CDH11: variants seen among roughly 807,000 people sequenced by gnomAD.
CDH11 encodes cadherin 11.
In CDH11, 11 loss-of-function variants were observed where a neutral mutation model predicts 67.8. That is an observed-to-expected ratio of 0.16 (90% CI 0.10 to 0.27). The LOEUF is 0.27. CDH11 is among the 10% of genes least tolerant of loss of function. CDH11 has a pLI of 1.00. For synonymous variants in CDH11, 419 were observed against 400.0 expected, an observed-to-expected ratio of 1.05 and a Z score of -0.57; for missense variants, 847 against 1,031.2, an observed-to-expected ratio of 0.82 and a Z score of 2.45.
Position 65,088,055 on chromosome 16 carries a change from G to C in CDH11, c.-298+33825C>G, listed in dbSNP as rs372954425. Among the ~76,000 whole-genome samples the C allele has an allele frequency of 7.2e-5, 11 of 152,262 alleles. No individual in the cohort carries two copies. In the East Asian group the frequency reaches 2.1e-3, roughly 29 times the overall value. ...TAGTACCCAATATGATGGTATTAGA[G>C]ATGGAGTTTTAGGGAAGTGGTTAAG... On this transcript the variant is annotated intron_variant, in intron 1 of 12. Coordinates refer to ENST00000268603, the MANE Select transcript of CDH11 (RefSeq NM_001797.4).
intron 1 of CDH11, among the ~76,000 whole-genome samples, chr16:65,103,002 G>A (rs879215608): frequency 4.9e-4 from 75 of 152,260 alleles, no homozygotes; most frequent in African/African-American, 1.7e-3. Context: ...GAGCCAGCCC[G>A]TCTCTCTGTG....
At chr16:64,968,602 A>T in intron 11 of CDH11, 4 of 979,080 alleles carry the variant, frequency 4.1e-6, no homozygotes, top group Non-Finnish European at 4.9e-6. Flanking sequence ...AAATGAAATA[A>T]AAAGCTTGTG....
chr16:64,975,129 C>A (rs2142436798), intron 8 of CDH11, among the ~76,000 whole-genome samples: 1 of 152,250 alleles, frequency 6.6e-6, no homozygotes, highest in Non-Finnish European at 1.5e-5. Context: ...TAGTACCTAA[C>A]TTTTATGTTA....
At chr16:64,975,603 G>A (rs971839749) in intron 8 of CDH11, among the ~76,000 whole-genome samples, 59 of 152,184 alleles carry the variant, frequency 3.9e-4, no homozygotes, top group African/African-American at 1.4e-3. Context: ...TCACCTGAGT[G>A]TCTGAGAGAG....
At chr16:65,114,021 A>T (rs772968447) in intron 1 of CDH11, among the ~76,000 whole-genome samples, 5 of 152,134 alleles carry the variant, frequency 3.3e-5, no homozygotes, top group Non-Finnish European at 4.4e-5. Flanking sequence ...GAAAAAGTGA[A>T]GGGGGGTCAA....
intron 2 of CDH11, among the ~76,000 whole-genome samples, chr16:65,042,807 C>T (rs571758419): frequency 6.6e-6 from 1 of 152,278 alleles, no homozygotes; most frequent in East Asian, 1.9e-4. Flanking sequence ...TTCATCTGCA[C>T]CTGAATCCTC....
chr16:64,973,473 A>T (rs1478054102), intron 8 of CDH11, among the ~76,000 whole-genome samples: 9 of 152,192 alleles, frequency 5.9e-5, no homozygotes, highest in African/African-American at 2.2e-4. Context: ...TAAATTTATC[A>T]AGATCATGTA....
In CDH11 at chr16:64,945,263, T is replaced by C. The variant is rs1367426636; in HGVS notation, c.*2340A>G. 2 of 355,834 alleles carry C rather than the reference T, an allele frequency of 5.6e-6. No individual in the cohort carries two copies. The highest frequency in any genetic ancestry group is 8.3e-6 in the Non-Finnish European group (2 of 241,958). The allele number at this position is 355,834 out of a possible 1,614,324, so 22.0% of individuals were successfully genotyped here. ...TTTTATTTCCAAGTTTCTAAGAGTG[T>C]TCTACAAACAATAGAGGCTTAACGA... On this transcript the variant is annotated 3_prime_UTR_variant, in exon 13 of 13. Transcript: ENST00000268603.
chr16:65,048,331 T>A (rs1391279939), intron 2 of CDH11, among the ~76,000 whole-genome samples: 1 of 152,200 alleles, frequency 6.6e-6, no homozygotes, highest in Non-Finnish European at 1.5e-5. Flanking sequence ...GAAAACAGTG[T>A]GGAGATTTCT....
intron 1 of CDH11, among the ~76,000 whole-genome samples, chr16:65,120,992 C>A (rs1424074977): frequency 6.6e-6 from 1 of 152,208 alleles, no homozygotes; most frequent in African/African-American, 2.4e-5. Context: ...GCTCGCGTTC[C>A]GGGGCAGAGC....
chr16:65,082,737 T>C (rs917038533), intron 1 of CDH11, among the ~76,000 whole-genome samples: 7 of 152,256 alleles, frequency 4.6e-5, no homozygotes, highest in African/African-American at 1.7e-4. Flanking sequence ...TGAGTTTAAG[T>C]GCAGAGTCAA....
intron 2 of CDH11, among the ~76,000 whole-genome samples, chr16:65,040,927 TA>T (rs1401440284): frequency 6.6e-6 from 1 of 152,192 alleles, no homozygotes; most frequent in African/African-American, 2.4e-5. Flanking sequence ...GTTGTGCACA[TA>T]TCACCAATAT....
chr16:65,019,331 T>C (rs984135386), intron 2 of CDH11, among the ~76,000 whole-genome samples: 1 of 152,186 alleles, frequency 6.6e-6, no homozygotes, highest in African/African-American at 2.4e-5. Context: ...TCTAAAACAA[T>C]AACTCAAAAT....
At chr16:65,111,751 G>A (rs2075161667) in intron 1 of CDH11, among the ~76,000 whole-genome samples, 2 of 151,290 alleles carry the variant, frequency 1.3e-5, no homozygotes, top group Admixed American at 6.6e-5. Flanking sequence ...AGAATGGGGA[G>A]AGGGCATCCT....
At chr16:64,948,902 A>C in intron 12 of CDH11, 1 of 734,404 alleles carries the variant, frequency 1.4e-6, no homozygotes, top group Non-Finnish European at 2.2e-6. Flanking sequence ...AGGCTCTCCC[A>C]TACACCCAGC....
chr16:64,989,456 G>T lies in CDH11; in HGVS notation c.812-1112C>A, dbSNP rs1420497989. Among the ~76,000 whole-genome samples, 3 of 152,150 alleles carry T rather than the reference G, an allele frequency of 2.0e-5. No homozygotes were observed. In the South Asian group the frequency reaches 6.2e-4, roughly 31 times the overall value. On this transcript the variant is annotated intron_variant, in intron 6 of 12. Transcript: ENST00000268603. The stretch of plus-strand genomic sequence containing the variant: ...TAGGAGAAGACATTCTTTAGAAAAA[G>T]GAATCTAAAATGACTGAGGAAGACA...
intron 11 of CDH11, among the ~76,000 whole-genome samples, chr16:64,966,961 A>C (rs1567495261): frequency 6.6e-6 from 1 of 152,184 alleles, no homozygotes; most frequent in East Asian, 1.9e-4. Flanking sequence ...ACTTATAAGA[A>C]CAAAAGAAGA....
intron 8 of CDH11, among the ~76,000 whole-genome samples, chr16:64,976,630 G>A (rs1035697253): frequency 2.0e-5 from 3 of 152,116 alleles, no homozygotes; most frequent in Non-Finnish European, 2.9e-5. Context: ...CAAGGTGGGC[G>A]GATCACCAGA....
intron 2 of CDH11, among the ~76,000 whole-genome samples, chr16:65,043,530 T>C (rs543488594): frequency 6.6e-6 from 1 of 152,272 alleles, no homozygotes; most frequent in Admixed American, 6.5e-5. Context: ...GGCCAGACTT[T>C]TACTGATCAG....
Sources: gnomAD v4.1 joint callset for allele counts (sites outside exome capture counted in the v4.1 genomes callset) on GRCh38, gnomAD v4.1.1 for gene constraint, MANE v1.5 for transcripts, NCBI Gene and HGNC (gene_info 2026-07-23, HGNC 2026-07-21) for gene names.